The following RFX3 variants were observed in gnomAD, a reference collection of about 807,000 sequenced individuals.
RFX3 encodes transcription factor RFX3.
Under a neutral mutation model 98.6 loss-of-function variants are expected in RFX3, and 14 were observed. That is an observed-to-expected ratio of 0.14 (90% CI 0.09 to 0.22). The LOEUF (loss-of-function observed/expected upper bound fraction) is 0.22, where lower values mean the gene tolerates loss of function less well. Ranked by LOEUF, RFX3 falls within the 10% of genes least tolerant of loss-of-function variation. RFX3 has a pLI of 1.00. For missense variants in RFX3, 639 were observed against 926.9 expected, an observed-to-expected ratio of 0.69 and a Z score of 4.03; for synonymous variants, 383 against 328.4, an observed-to-expected ratio of 1.17 and a Z score of -1.80.
chr9:3,233,506 C>T (rs1818751226), intron 15 of RFX3, among the ~76,000 whole-genome samples: 2 of 152,092 alleles, frequency 1.3e-5, no homozygotes, highest in Admixed American at 1.3e-4. Context: ...AGTTAGGGTG[C>T]CTAGACAGCA....
Position 3,322,890 on chromosome 9 carries a change from G to C in RFX3, c.474+7369C>G, listed in dbSNP as rs1050279420. ...TTTGAATTTGTATTTCCTTTCTTTT[G>C]CCTAACTGCATCTTTCCTGTAATTT... On this transcript the variant is annotated intron_variant, in intron 4 of 16. Transcript: ENST00000617270. Among the ~76,000 whole-genome samples, 87 of 151,978 alleles carry C rather than the reference G, an allele frequency of 5.7e-4. 1 individual carries two copies. The highest frequency in any genetic ancestry group is 2.1e-3 in the African/African-American group (85 of 41,400).
chr9:3,311,446 C>T (rs1381954707), intron 4 of RFX3, among the ~76,000 whole-genome samples: 1 of 152,202 alleles, frequency 6.6e-6, no homozygotes, highest in African/African-American at 2.4e-5. Context: ...GAGGAGGGTA[C>T]ATCCTATAGG....
At chr9:3,338,416 T>C (rs1479650806) in intron 3 of RFX3, among the ~76,000 whole-genome samples, 1 of 152,250 alleles carries the variant, frequency 6.6e-6, no homozygotes, top group African/African-American at 2.4e-5. Flanking sequence ...ATGTGTAGTA[T>C]TTTCATTACT....
At chr9:3,504,959 A>ATATAATATATCT (rs1816754352) in intron 1 of RFX3, among the ~76,000 whole-genome samples, 5 of 59,608 alleles carry the variant, frequency 8.4e-5, no homozygotes, top group African/African-American at 4.1e-4. Flanking sequence ...AATATATATT[A>ATATAATATATCT]TATATAATAT....
At chr9:3,475,182 C>T (rs1849126245) in intron 1 of RFX3, among the ~76,000 whole-genome samples, 1 of 151,732 alleles carries the variant, frequency 6.6e-6, no homozygotes, top group African/African-American at 2.4e-5. Flanking sequence ...TAAATGGATG[C>T]TTATAAGCAT....
chr9:3,461,799 T>C (rs992989786), intron 1 of RFX3, among the ~76,000 whole-genome samples: 3 of 151,994 alleles, frequency 2.0e-5, no homozygotes, highest in Non-Finnish European at 4.4e-5. Flanking sequence ...TGTTAAATTT[T>C]AATTTGCATA....
intron 1 of RFX3, among the ~76,000 whole-genome samples, chr9:3,469,693 A>C (rs1417747614): frequency 2.0e-5 from 3 of 152,156 alleles, no homozygotes; most frequent in Admixed American, 2.0e-4. Context: ...TTTAGACACC[A>C]ATATAAATTC....
chr9:3,366,848 A>T (rs2131490529), intron 2 of RFX3, among the ~76,000 whole-genome samples: 1 of 151,958 alleles, frequency 6.6e-6, no homozygotes, highest in East Asian at 1.9e-4. Flanking sequence ...TGAATTATTT[A>T]TAATAAGGAG....
intron 9 of RFX3, among the ~76,000 whole-genome samples, chr9:3,274,057 A>G (rs903006864): frequency 1.3e-5 from 2 of 152,198 alleles, no homozygotes; most frequent in African/African-American, 4.8e-5. Flanking sequence ...GTAAAAGCAT[A>G]GTAGTCAAAG....
At chr9:3,289,166 T>C (rs923203597) in intron 6 of RFX3, among the ~76,000 whole-genome samples, 2 of 152,118 alleles carry the variant, frequency 1.3e-5, no homozygotes, top group African/African-American at 2.4e-5. Flanking sequence ...CAATTTTTTC[T>C]TCCATTTACA....
intron 1 of RFX3, among the ~76,000 whole-genome samples, chr9:3,424,518 C>CTGAT (rs1843811123): frequency 6.6e-6 from 1 of 151,284 alleles, no homozygotes; most frequent in Non-Finnish European, 1.5e-5. Flanking sequence ...CCCGCCACCG[C>CTGAT]GCCCGGATAA....
At chr9:3,443,647 A>C (rs1845793910) in intron 1 of RFX3, among the ~76,000 whole-genome samples, 3 of 152,168 alleles carry the variant, frequency 2.0e-5, no homozygotes, top group Admixed American at 2.0e-4. Context: ...GCTATTGTGA[A>C]TAGTGCTGCA....
rs530859286 is a variant in RFX3 at position 3,402,158 on chromosome 9, G to C, written c.-8-6562C>G. ...CTTATCAAACAGAACTATGTTACTGGGCTAGCTTAAAAATAGGTAGTATCC... is the reference window on the plus strand; with the variant it reads ...CTTATCAAACAGAACTATGTTACTGCGCTAGCTTAAAAATAGGTAGTATCC... On this transcript the variant is annotated intron_variant, in intron 1 of 16. Coordinates refer to ENST00000617270, the MANE Select transcript of RFX3 (RefSeq NM_001282116.2). Among the ~76,000 whole-genome samples the C allele has an allele frequency of 4.0e-4, 61 of 152,072 alleles. 1 individual carries two copies. The highest frequency in any genetic ancestry group is 8.5e-4 in the Admixed American group (13 of 15,242).
At chr9:3,331,701 C>G (rs1311572085) in intron 3 of RFX3, among the ~76,000 whole-genome samples, 3 of 152,106 alleles carry the variant, frequency 2.0e-5, no homozygotes, top group African/African-American at 4.8e-5. Flanking sequence ...TCTAGCACAT[C>G]AAATATTAAT....
intron 1 of RFX3, among the ~76,000 whole-genome samples, chr9:3,445,842 T>C (rs907619716): frequency 6.6e-6 from 1 of 152,166 alleles, no homozygotes; most frequent in Non-Finnish European, 1.5e-5. Flanking sequence ...TTGTACTTGC[T>C]GTTCTCACTT....
intron 14 of RFX3, among the ~76,000 whole-genome samples, chr9:3,251,538 GC>G (rs1402740757): frequency 2.0e-5 from 3 of 151,968 alleles, no homozygotes; most frequent in African/African-American, 7.3e-5. Context: ...TCACTATGTT[GC>G]CCAGGCTGGT....
At chr9:3,314,216 T>C (rs1424834424) in intron 4 of RFX3, among the ~76,000 whole-genome samples, 1 of 152,170 alleles carries the variant, frequency 6.6e-6, no homozygotes, top group Non-Finnish European at 1.5e-5. Context: ...GGGGCCAATA[T>C]TTAACATTCT....
chr9:3,379,879 AATTT>A (rs36232668), intron 2 of RFX3, among the ~76,000 whole-genome samples: 87,958 of 146,338 alleles, frequency 0.6, 27,478 homozygotes, highest in East Asian at 0.73. Context: ...ACTTATGGGC[AATTT>A]ATTTATTTAT....
Position 3,223,696 on chromosome 9 carries a change from T to G in RFX3, c.*1346A>C, listed in dbSNP as rs1817485351. 6.6e-6 allele frequency: 1 copy of G among 152,238 alleles called. No homozygotes were observed. The highest frequency in any genetic ancestry group is 1.5e-5 in the Non-Finnish European group (1 of 68,036). The allele number at this position is 152,238 out of a possible 1,614,324, so 9.4% of individuals were successfully genotyped here. On this transcript the variant is annotated 3_prime_UTR_variant, in exon 17 of 17. Transcript: ENST00000617270. ...CCCTAAATTTCCTTTGAAGAACATG[T>G]CACCTGTCCTTACTTCAGGAATCTG...
Sources: gnomAD v4.1 joint callset for allele counts (sites outside exome capture counted in the v4.1 genomes callset) on GRCh38, gnomAD v4.1.1 for gene constraint, MANE v1.5 for transcripts, NCBI Gene and HGNC (gene_info 2026-07-23, HGNC 2026-07-21) for gene names.